Variants in KIAA2012 observed in about 807,000 individuals in gnomAD.
KIAA2012 encodes the protein KIAA2012, also known as uncharacterized protein KIAA2012.
Under a neutral mutation model 150.6 loss-of-function variants are expected in KIAA2012, and 125 were observed. The ratio of observed to expected loss-of-function variants is 0.83; its 90% CI spans 0.72 to 0.96. The LOEUF (loss-of-function observed/expected upper bound fraction) is 0.96, where lower values mean the gene tolerates loss of function less well. KIAA2012 is among the 40% of genes least tolerant of loss of function. KIAA2012 has a pLI of 0.00. For missense variants in KIAA2012, 1,219 were observed against 1,354.9 expected (o/e 0.90, Z 1.57); for synonymous variants, 462 against 504.7 (o/e 0.92, Z 1.13).
intron 22 of KIAA2012, among the ~76,000 whole-genome samples, chr2:202,200,403 C>T (rs1469583684): frequency 6.6e-6 from 1 of 152,038 alleles, no homozygotes; most frequent in African/African-American, 2.4e-5. Context: ...TGAGGAAATA[C>T]GAAAGCAGAA....
chr2:202,121,037 A>C (rs150990972), intron 11 of KIAA2012, among the ~76,000 whole-genome samples: 18 of 152,300 alleles, frequency 1.2e-4, no homozygotes, highest in African/African-American at 3.4e-4. Context: ...AGTGGAAGTA[A>C]CACATGCAAC....
At chr2:202,181,199 T>A (rs1422380455) in intron 15 of KIAA2012, among the ~76,000 whole-genome samples, 1 of 152,150 alleles carries the variant, frequency 6.6e-6, no homozygotes, top group Non-Finnish European at 1.5e-5. Context: ...CAAACTCCTG[T>A]GCTCAAGCGA....
At chr2:202,122,907 G>T (rs1489019166) in intron 11 of KIAA2012, among the ~76,000 whole-genome samples, 1 of 152,144 alleles carries the variant, frequency 6.6e-6, no homozygotes, top group Non-Finnish European at 1.5e-5. Context: ...AACAACTAAG[G>T]CCTGGAGCCC....
intron 22 of KIAA2012, chr2:202,201,320 A>G: frequency 3.8e-6 from 6 of 1,586,108 alleles, no homozygotes; most frequent in Non-Finnish European, 5.2e-6. Context: ...CAGCAGTTAC[A>G]TTGTGAGAAG....
At chr2:202,119,859 G>A (rs914383689) in intron 11 of KIAA2012, among the ~76,000 whole-genome samples, 4 of 152,190 alleles carry the variant, frequency 2.6e-5, no homozygotes, top group Admixed American at 2.6e-4. Context: ...ATCTTGAATT[G>A]TAACTCCCAC....
At chr2:202,120,801 G>A (rs567873296) in intron 11 of KIAA2012, among the ~76,000 whole-genome samples, 1 of 152,140 alleles carries the variant, frequency 6.6e-6, no homozygotes, top group East Asian at 1.9e-4. Context: ...AACACATTTG[G>A]TACTCCCAGA....
At chr2:202,076,573 A>G (rs945069001) in intron 2 of KIAA2012, among the ~76,000 whole-genome samples, 1 of 152,220 alleles carries the variant, frequency 6.6e-6, no homozygotes, top group African/African-American at 2.4e-5. Context: ...GCTAAATATT[A>G]TTTTATTTAA....
chr2:202,089,860 A>G (rs757974159), intron 2 of KIAA2012, among the ~76,000 whole-genome samples: 2 of 152,248 alleles, frequency 1.3e-5, no homozygotes, highest in African/African-American at 2.4e-5. Context: ...AAAGGTATAT[A>G]CAATTGTCAA....
At chr2:202,167,802 C>T (rs535109282) in intron 15 of KIAA2012, among the ~76,000 whole-genome samples, 2 of 152,104 alleles carry the variant, frequency 1.3e-5, no homozygotes, top group Admixed American at 6.5e-5. Context: ...TGAGACTGCA[C>T]CACTGCACTC....
At position 202,125,279 on chromosome 2, in the gene KIAA2012, A is replaced by T. The variant is rs1470668532; in HGVS notation, c.1828A>T (p.Lys610Ter). ...AGGGCCTAGTAGTCAGCATTTCCTA[A>T]AAGGTAAGCTTTTCCACTAAAAAGT... ...EEGPSSQHFL[K>*]ANTEPRANLH... The change falls in exon 12 of 24, where the codon AAA becomes TAA. Residue 610 changes from lysine to a stop codon, truncating the protein, a stop_gained. Coordinates refer to ENST00000498697, the MANE Select transcript of KIAA2012 (RefSeq NM_001277372.4). LOFTEE classifies it high-confidence loss of function. 6.5e-7 allele frequency: 1 copy of T among 1,549,616 alleles called. No individual in the cohort carries two copies. The highest frequency in any genetic ancestry group is 1.2e-5 in the South Asian group (1 of 83,930).
intron 15 of KIAA2012, among the ~76,000 whole-genome samples, chr2:202,182,108 CTTTTTTTTTTTT>C (rs754494077): frequency 5.8e-5 from 6 of 104,104 alleles, no homozygotes; most frequent in South Asian, 6.7e-4. Context: ...TTTCTTTATT[CTTTTTTTTTTTT>C]TTTTTTTTTT....
At chr2:202,133,130 A>ATATATATATATATATATATATTT (rs1279080237) in intron 12 of KIAA2012, among the ~76,000 whole-genome samples, 1 of 67,780 alleles carries the variant, frequency 1.5e-5, no homozygotes, top group African/African-American at 5.8e-5. Context: ...ATATATATAT[A>ATATATATATATATATATATATTT]TTTTTTTTTT....
chr2:202,196,740 C>T lies in KIAA2012; in HGVS notation c.3188-60C>T. On this transcript the variant is annotated intron_variant, in intron 21 of 23. Transcript: ENST00000498697. ...GAATCACAGATTTGAGAGTTGGATC[C>T]GAAAATTGTTTTCCCTAAAAATGAT... is the stretch of plus-strand genomic sequence containing the variant. The T allele has an allele frequency of 6.0e-6, 9 of 1,507,336 alleles. No homozygotes were observed. In the South Asian group the frequency reaches 1.0e-4, roughly 17 times the overall value. 93.4% of individuals were successfully genotyped at this position (1,507,336 alleles called of 1,614,324 possible). A position where few individuals can be genotyped will look rare whatever the true frequency, so the allele number is the denominator to read the frequency against.
intron 3 of KIAA2012, among the ~76,000 whole-genome samples, chr2:202,091,387 T>G (rs1689715418): frequency 1.3e-5 from 2 of 152,192 alleles, no homozygotes; most frequent in Admixed American, 1.3e-4. Context: ...CCAACATTCC[T>G]TAGTACCCCA....
intron 16 of KIAA2012, among the ~76,000 whole-genome samples, chr2:202,186,511 C>CAA (rs57585341): frequency 3.8e-4 from 55 of 144,082 alleles, no homozygotes; most frequent in African/African-American, 9.6e-4. Flanking sequence ...GACTCCGTCT[C>CAA]AAAAAAAAAA....
At chr2:202,135,857 G>A (rs1481419399) in intron 12 of KIAA2012, 1 of 175,522 alleles carries the variant, frequency 5.7e-6, no homozygotes, top group East Asian at 1.6e-4. Flanking sequence ...GTGTGATGTG[G>A]AGGGGAAAGT....
chr2:202,129,130 T>A (rs1690866435), intron 12 of KIAA2012, among the ~76,000 whole-genome samples: 1 of 150,540 alleles, frequency 6.6e-6, no homozygotes, highest in Non-Finnish European at 1.5e-5. Flanking sequence ...AATAAATAAA[T>A]AAAAAAATAA....
At chr2:202,168,638 C>T (rs1691823772) in intron 15 of KIAA2012, among the ~76,000 whole-genome samples, 2 of 152,088 alleles carry the variant, frequency 1.3e-5, no homozygotes, top group Admixed American at 6.6e-5. Flanking sequence ...GCATGTAGTC[C>T]TCTGCTTAAG....
At chr2:202,204,200 C>T (rs934761309) in intron 23 of KIAA2012, among the ~76,000 whole-genome samples, 12 of 151,882 alleles carry the variant, frequency 7.9e-5, no homozygotes, top group African/African-American at 2.9e-4. Flanking sequence ...CCTCAGCCTC[C>T]CAAGTAGCTG....
Sources: gnomAD v4.1 joint callset for allele counts (sites outside exome capture counted in the v4.1 genomes callset) on GRCh38, gnomAD v4.1.1 for gene constraint, MANE v1.5 for transcripts, NCBI Gene and HGNC (gene_info 2026-07-23, HGNC 2026-07-21) for gene names.